Variants in WRAP53 observed in about 807,000 individuals in gnomAD.
The protein encoded by WRAP53 is WD repeat containing antisense to TP53.
In WRAP53, 28 loss-of-function variants were observed where a neutral mutation model predicts 56.6. The ratio of observed to expected loss-of-function variants is 0.50; its 90% CI spans 0.37 to 0.68. The LOEUF is 0.68. WRAP53 is among the 30% of genes least tolerant of loss of function. WRAP53 has a pLI of 0.00. For missense variants in WRAP53, 671 were observed against 715.5 expected (o/e 0.94, Z 0.71); for synonymous variants, 283 against 283.4 (o/e 1.00, Z 0.01).
chr17:7,699,440 T>C (rs1010511828), intron 4 of WRAP53, among the ~76,000 whole-genome samples: 1 of 72,596 alleles, frequency 1.4e-5, no homozygotes, highest in African/African-American at 6.4e-5. Flanking sequence ...AAAAAAAAAT[T>C]TATATATATA....
upstream of WRAP53, chr17:7,687,463 C>A (rs1567568673): frequency 1.8e-5 from 7 of 398,572 alleles, no homozygotes; most frequent in Admixed American, 4.4e-5. Context: ...GCTACCTGCT[C>A]CCTGGACGGT....
chr17:7,688,196 G>T (rs1018487748), upstream of WRAP53: 4 of 185,096 alleles, frequency 2.2e-5, no homozygotes, highest in African/African-American at 9.5e-5. Flanking sequence ...CAGGCGGCGG[G>T]GGGGCGGTGC....
intron 4 of WRAP53, among the ~76,000 whole-genome samples, chr17:7,690,768 C>T (rs1217776571): frequency 1.3e-5 from 2 of 150,490 alleles, no homozygotes; most frequent in Non-Finnish European, 3.0e-5. Context: ...CAAAATTAGA[C>T]GCATGTGGTG....
chr17:7,701,673 C>T lies in WRAP53; in HGVS notation c.839C>T (p.Ala280Val). ...AYNHLDELTAAHSLCFSPDGS... is the reference protein window; with the variant it reads ...AYNHLDELTAVHSLCFSPDGS... ...TTCCCCCAGGATGAGCTGACGGCAG[C>T]CCATTCGCTCTGCTTCTCCCCGGAT... The change falls in exon 7 of 11, where the codon GCC becomes GTC. Residue 280 changes from alanine (A) to valine (V), a missense_variant. Ala to Val is a moderately conservative substitution (Grantham distance 64). Around this residue, in one of 3 missense-constraint regions of WRAP53, gnomAD observed 406 missense variants for 418.5 expected, o/e 0.97. Coordinates refer to ENST00000396463, the MANE Select transcript of WRAP53 (RefSeq NM_001143992.2). This position sits in a 1 kb window ranked among gnomAD's most constrained non-coding sequence, Gnocchi z 4.2. The T allele has an allele frequency of 6.2e-7, 1 of 1,614,262 alleles. No homozygotes were observed. The highest frequency in any genetic ancestry group is 8.5e-7 in the Non-Finnish European group (1 of 1,180,046).
chr17:7,699,522 T>TATAAATA (rs1567577715), intron 4 of WRAP53, among the ~76,000 whole-genome samples: 1 of 14,108 alleles, frequency 7.1e-5, no homozygotes, highest in Non-Finnish European at 1.2e-4. Context: ...ATATATATAT[T>TATAAATA]TATATATATA....
In WRAP53 at chr17:7,701,214, C is replaced by A. The variant is rs1049663779; in HGVS notation, c.732-245C>A. On this transcript the variant is annotated intron_variant, in intron 5 of 10. Coordinates refer to ENST00000396463, the MANE Select transcript of WRAP53 (RefSeq NM_001143992.2). The surrounding 1 kb of genome is among the most constrained non-coding windows in gnomAD (Gnocchi z 4.2). ...CTCGAACTGACCTCAGGTGATCCAC[C>A]TGCCTTGGCCTCCTGAAGTGCTTGG... is the stretch of plus-strand genomic sequence containing the variant. 6.6e-6 allele frequency among the ~76,000 whole-genome samples: 1 copy of A among 152,188 alleles called. No homozygotes were observed. The highest frequency in any genetic ancestry group is 6.5e-5 in the Admixed American group (1 of 15,284).
chr17:7,690,033 C>G (rs921507901), intron 4 of WRAP53, among the ~76,000 whole-genome samples: 1 of 151,978 alleles, frequency 6.6e-6, no homozygotes, highest in African/African-American at 2.4e-5. Context: ...ACTGCAACCT[C>G]TGCCTCCCGG....
intron 4 of WRAP53, among the ~76,000 whole-genome samples, chr17:7,693,975 T>C (rs1006611133): frequency 6.6e-6 from 1 of 151,796 alleles, no homozygotes; most frequent in African/African-American, 2.4e-5. Context: ...GCTGAATAAA[T>C]TGTCATGGTA....
At chr17:7,693,137 G>C (rs1337046037) in intron 4 of WRAP53, among the ~76,000 whole-genome samples, 2 of 150,576 alleles carry the variant, frequency 1.3e-5, no homozygotes, top group Non-Finnish European at 2.9e-5. Flanking sequence ...GGCACTCAGG[G>C]CTCTGCTGGG....
At chr17:7,690,643 G>A (rs767000103) in intron 4 of WRAP53, among the ~76,000 whole-genome samples, 4 of 152,236 alleles carry the variant, frequency 2.6e-5, no homozygotes, top group Non-Finnish European at 4.4e-5. Flanking sequence ...CCTGCATGGT[G>A]GCTCACGCCT....
intron 4 of WRAP53, among the ~76,000 whole-genome samples, chr17:7,699,558 CA>C (rs1339877033): frequency 2.1e-5 from 2 of 96,988 alleles, no homozygotes; most frequent in African/African-American, 3.8e-5. Context: ...AAATGTATGA[CA>C]GTGATAAATT....
rs1247050198 is a variant in WRAP53, at chr17:7,688,527, C to G, written c.-36C>G. 1.5e-5 allele frequency: 16 copies of G among 1,077,696 alleles called. No homozygotes were observed. The highest frequency in any genetic ancestry group is 8.8e-5 in the South Asian group (6 of 68,398). The allele number at this position is 1,077,696 out of a possible 1,614,324, so 66.8% of individuals were successfully genotyped here. ...GCTGTTCGCCTCTCCTCCCGGGAGT[C>G]TTCTGCCTACTCCCAGAAGAGGAGG... On this transcript the variant is annotated 5_prime_UTR_variant, in exon 1 of 11. Coordinates refer to ENST00000396463, the MANE Select transcript of WRAP53 (RefSeq NM_001143992.2).
At chr17:7,699,459 TATATATATATATATA>T (rs2074232005) in intron 4 of WRAP53, among the ~76,000 whole-genome samples, 1 of 13,438 alleles carries the variant, frequency 7.4e-5, no homozygotes, top group African/African-American at 7.3e-4. Context: ...TATATATATT[TATATATATATATATA>T]TTTATATATA....
chr17:7,690,967 T>C (rs1222611857), intron 4 of WRAP53, among the ~76,000 whole-genome samples: 3 of 147,834 alleles, frequency 2.0e-5, no homozygotes, highest in Non-Finnish European at 3.0e-5. Flanking sequence ...CCCAGCACTT[T>C]GGGAGGCTGA....
chr17:7,700,111 C>T (rs775605853), intron 4 of WRAP53, among the ~76,000 whole-genome samples: 4 of 150,484 alleles, frequency 2.7e-5, no homozygotes, highest in East Asian at 3.9e-4. Flanking sequence ...TGCAGTGGTG[C>T]GATCTCAGCT....
intron 4 of WRAP53, among the ~76,000 whole-genome samples, chr17:7,700,013 G>A (rs1211040809): frequency 2.0e-5 from 3 of 151,578 alleles, no homozygotes; most frequent in African/African-American, 7.3e-5. Flanking sequence ...GATTACAGGT[G>A]TGAGCCACTG....
At position 7,702,468 on chromosome 17, in the gene WRAP53, C is replaced by T. The variant is rs775212492; in HGVS notation, c.1080C>T (p.Leu360=). The T allele has an allele frequency of 1.6e-5, 26 of 1,613,924 alleles. No homozygotes were observed. The highest frequency in any genetic ancestry group is 3.3e-4 in the Middle Eastern group (2 of 6,074). The change falls in exon 8 of 11, where the codon CTC becomes CTT. Residue 360 remains leucine, a synonymous_variant. Transcript: ENST00000396463. This position sits in a 1 kb window ranked among gnomAD's most constrained non-coding sequence, Gnocchi z 5.0. ...GLYAWDDGSP[L]ALLGGHQGGI... is the part of the protein sequence containing the mutation. Reference sequence around the variant, plus strand: ...ATGCCTGGGATGATGGCTCCCCTCTCGCCTTGCTGGGAGGGCACCAAGGGG... The same window carrying T: ...ATGCCTGGGATGATGGCTCCCCTCTTGCCTTGCTGGGAGGGCACCAAGGGG...
chr17:7,699,522 TTATATATA>T (rs1203888377), intron 4 of WRAP53, among the ~76,000 whole-genome samples: 4 of 14,108 alleles, frequency 2.8e-4, no homozygotes, highest in Non-Finnish European at 3.5e-4. Flanking sequence ...ATATATATAT[TTATATATA>T]TATATATATT....
chr17:7,699,466 A>T (rs1245218687), intron 4 of WRAP53, among the ~76,000 whole-genome samples: 4 of 21,538 alleles, frequency 1.9e-4, no homozygotes, highest in African/African-American at 8.3e-4. Flanking sequence ...ATTTATATAT[A>T]TATATATATT....
Sources: gnomAD v4.1 joint callset for allele counts (sites outside exome capture counted in the v4.1 genomes callset) on GRCh38, gnomAD v4.1.1 for gene constraint, gnomAD v4.1.1 regional missense constraint, Gnocchi (gnomAD v3.1) non-coding constraint, MANE v1.5 for transcripts, NCBI Gene and HGNC (gene_info 2026-07-23, HGNC 2026-07-21) for gene names.